EXOC2: variants seen among roughly 807,000 people sequenced by gnomAD.
EXOC2 encodes exocyst complex component 2.
EXOC2 carries 70 observed loss-of-function variants against 131.8 expected under a neutral mutation model. That is an observed-to-expected ratio of 0.53 (90% CI 0.44 to 0.65). The LOEUF (loss-of-function observed/expected upper bound fraction) is 0.65, where lower values mean the gene tolerates loss of function less well. Among genes scored for constraint, EXOC2 ranks in the 30% least tolerant of loss-of-function variants. The pLI is 0.00. For missense variants in EXOC2, 923 were observed against 1,108.6 expected (o/e 0.83, Z 2.38); for synonymous variants, 411 against 398.4 (o/e 1.03, Z -0.38).
At chr6:690,508 G>A (rs959034485) in intron 1 of EXOC2, among the ~76,000 whole-genome samples, 3 of 152,052 alleles carry the variant, frequency 2.0e-5, no homozygotes, top group Non-Finnish European at 2.9e-5. Flanking sequence ...CCACCGTCAC[G>A]AGGATCGCGA....
intron 4 of EXOC2, among the ~76,000 whole-genome samples, chr6:628,003 T>C (rs1237753210): frequency 6.6e-6 from 1 of 152,188 alleles, no homozygotes; most frequent in African/African-American, 2.4e-5. Context: ...CAAAAACTTT[T>C]CCTATGTGGC....
chr6:619,175 C>G (rs932391594), intron 5 of EXOC2, among the ~76,000 whole-genome samples: 1 of 152,140 alleles, frequency 6.6e-6, no homozygotes, highest in African/African-American at 2.4e-5. Flanking sequence ...TTTTTAATAA[C>G]CTGCATCAAT....
chr6:495,743 G>C (rs996544383), intron 25 of EXOC2, among the ~76,000 whole-genome samples: 1 of 152,150 alleles, frequency 6.6e-6, no homozygotes, highest in African/African-American at 2.4e-5. Context: ...TGATGGCATC[G>C]CATTGTAGTG....
intron 20 of EXOC2, among the ~76,000 whole-genome samples, chr6:554,767 C>T (rs1177648046): frequency 6.6e-6 from 1 of 151,930 alleles, no homozygotes; most frequent in African/African-American, 2.4e-5. Flanking sequence ...TCCTATACAA[C>T]AGCATTATAA....
intron 4 of EXOC2, among the ~76,000 whole-genome samples, chr6:629,026 A>C (rs757667369): frequency 2.0e-5 from 3 of 152,254 alleles, no homozygotes; most frequent in Non-Finnish European, 4.4e-5. Context: ...AAACCCCAGC[A>C]GGTGAAAATG....
At chr6:589,514 C>G (rs1316893471) in intron 11 of EXOC2, among the ~76,000 whole-genome samples, 1 of 152,262 alleles carries the variant, frequency 6.6e-6, no homozygotes, top group African/African-American at 2.4e-5. Context: ...CTGCACCCTT[C>G]CTATCATACA....
At chr6:617,638 G>A (rs1180519205) in intron 6 of EXOC2, 73 bp downstream of exon 6, 4 of 1,553,640 alleles carry the variant, frequency 2.6e-6, no homozygotes, top group Non-Finnish European at 3.5e-6. Flanking sequence ...GTCACACCCT[G>A]TAAACACCCT....
chr6:654,136 G>A (rs1361551949), intron 1 of EXOC2, among the ~76,000 whole-genome samples: 1 of 152,194 alleles, frequency 6.6e-6, no homozygotes, highest in Non-Finnish European at 1.5e-5. Flanking sequence ...AAGAGTTCTG[G>A]TGAAGATACA....
chr6:509,783 G>A (rs1270849945), intron 23 of EXOC2, among the ~76,000 whole-genome samples: 1 of 152,126 alleles, frequency 6.6e-6, no homozygotes, highest in Non-Finnish European at 1.5e-5. Context: ...AACACAGGCG[G>A]ATTTCAAGGT....
Position 489,156 on chromosome 6 carries a change from GAGAAAAAGTAAAAGTGAAAAACAAT to G in EXOC2, c.2622-143_2622-119del, listed in dbSNP as rs1364425549. On this transcript the variant is annotated intron_variant, in intron 26 of 27. Transcript: ENST00000230449. ...AAAAGCCAGTGAAGCAAGGAAATATGAGAAAAAGTAAAAGTGAAAAACAATAGAAAAAGTAAAAGTAAAAGCGAAG... is the reference window on the plus strand; with the variant it reads ...AAAAGCCAGTGAAGCAAGGAAATATGAGAAAAAGTAAAAGTAAAAGCGAAG... The G allele has an allele frequency of 9.7e-6, 9 of 924,960 alleles. No homozygotes were observed. The South Asian group carries it at 1.4e-4, about 14-fold the overall frequency. The allele number at this position is 924,960 out of a possible 1,614,324, so 57.3% of individuals were successfully genotyped here. A position where few individuals can be genotyped will look rare whatever the true frequency, so the allele number is the denominator to read the frequency against.
intron 4 of EXOC2, among the ~76,000 whole-genome samples, chr6:620,206 T>C (rs766239887): frequency 1.3e-5 from 2 of 152,210 alleles, no homozygotes; most frequent in Non-Finnish European, 2.9e-5. Context: ...GTATCGACAA[T>C]AGATCAGGTT....
At chr6:593,064 AT>A (rs936085364) in intron 10 of EXOC2, among the ~76,000 whole-genome samples, 3 of 152,234 alleles carry the variant, frequency 2.0e-5, no homozygotes, top group African/African-American at 7.2e-5. Context: ...AAATAAAAAA[AT>A]AAACAGCAGA....
chr6:540,515 A>C (rs963222250), intron 22 of EXOC2, among the ~76,000 whole-genome samples: 1 of 152,254 alleles, frequency 6.6e-6, no homozygotes, highest in African/African-American at 2.4e-5. Flanking sequence ...AAGAAACACA[A>C]CTGAAATAAC....
chr6:623,325 G>A (rs1022258873), intron 4 of EXOC2, among the ~76,000 whole-genome samples: 1 of 152,182 alleles, frequency 6.6e-6, no homozygotes, highest in Non-Finnish European at 1.5e-5. Context: ...ACTGGGCCAG[G>A]TACAATTTGA....
chr6:656,032 A>T, intron 1 of EXOC2: 1 of 1,120,656 alleles, frequency 8.9e-7, no homozygotes, highest in Non-Finnish European at 1.3e-6. Flanking sequence ...CAAATTTTCA[A>T]CCCAATTAAC....
At chr6:686,300 T>A (rs1764653205) in intron 1 of EXOC2, among the ~76,000 whole-genome samples, 1 of 152,156 alleles carries the variant, frequency 6.6e-6, no homozygotes, top group Non-Finnish European at 1.5e-5. Context: ...CTTCTCTACC[T>A]CTACAAACAA....
intron 1 of EXOC2, among the ~76,000 whole-genome samples, chr6:691,779 A>G (rs1764938389): frequency 6.6e-6 from 1 of 152,242 alleles, no homozygotes; most frequent in African/African-American, 2.4e-5. Flanking sequence ...TGACAAGAAA[A>G]AAAGATCACT....
intron 1 of EXOC2, among the ~76,000 whole-genome samples, chr6:666,188 C>G (rs1004569710): frequency 1.4e-4 from 22 of 152,206 alleles, no homozygotes; most frequent in Non-Finnish European, 1.5e-5. Flanking sequence ...TTTCTCCATT[C>G]TCACATGAAA....
intron 23 of EXOC2, among the ~76,000 whole-genome samples, chr6:507,336 C>CA (rs1764620864): frequency 1.8e-5 from 1 of 55,310 alleles, no homozygotes; most frequent in African/African-American, 4.9e-5. Flanking sequence ...TGACCCCCCC[C>CA]ACACACACCA....
Sources: allele counts gnomAD v4.1 joint callset (sites outside exome capture counted in the v4.1 genomes callset), GRCh38; gene constraint gnomAD v4.1.1; transcripts MANE v1.5; gene names NCBI Gene and HGNC (gene_info 2026-07-23, HGNC 2026-07-21).